LAIR1: variants seen among roughly 807,000 people sequenced by gnomAD.
The protein encoded by LAIR1 is leukocyte associated immunoglobulin like receptor 1, also known as leukocyte-associated immunoglobulin-like receptor 1.
Under a neutral mutation model 32.8 loss-of-function variants are expected in LAIR1, and 24 were observed. The observed-to-expected ratio is 0.73, with a 90% CI of 0.53 to 1.03. The LOEUF (loss-of-function observed/expected upper bound fraction) is 1.03, where lower values mean the gene tolerates loss of function less well. Among genes scored for constraint, LAIR1 ranks in the 50% least tolerant of loss-of-function variants. The probability of loss-of-function intolerance (pLI) is 0.00; values close to 1 mark genes in which losing one functional copy is unlikely to be tolerated. For synonymous variants in LAIR1, 150 were observed against 140.5 expected (o/e 1.07, Z -0.48); for missense variants, 355 against 347.5 (o/e 1.02, Z -0.17).
rs1340414781 is a variant in LAIR1, at chr19:54,364,883, A to G, written c.-79T>C. On this transcript the variant is annotated 5_prime_UTR_variant, in exon 1 of 10. Coordinates refer to ENST00000391742, the MANE Select transcript of LAIR1 (RefSeq NM_002287.6). The surrounding 1 kb of genome is among the most constrained non-coding windows in gnomAD (Gnocchi z 4.8). ...AACTCTGCAGCAGACACAAGCAGAC[A>G]GGATGTGCTGCCCGGGGGCCTCCTG... 1.2e-6 allele frequency: 2 copies of G among 1,613,090 alleles called. No homozygotes were observed. Among genetic ancestry groups the G allele is most frequent in the African/African-American group, 2.7e-5 (2 of 74,930 alleles).
chr19:54,359,134 G>A (rs1171629016), intron 4 of LAIR1, among the ~76,000 whole-genome samples: 4 of 149,690 alleles, frequency 2.7e-5, no homozygotes, highest in Non-Finnish European at 5.9e-5. Flanking sequence ...CTCCCCATGT[G>A]GCTTCAGCCC....
chr19:54,372,491 C>CTTTT (rs35628063), upstream of LAIR1, among the ~76,000 whole-genome samples: 10 of 131,520 alleles, frequency 7.6e-5, no homozygotes, highest in Non-Finnish European at 1.4e-4. Context: ...TTCTTTCTTT[C>CTTTT]TTTTTTTTTT....
upstream of LAIR1, among the ~76,000 whole-genome samples, chr19:54,374,662 C>T (rs553705705): frequency 6.6e-6 from 1 of 152,226 alleles, no homozygotes; most frequent in African/African-American, 2.4e-5. Context: ...TCATCTTCTC[C>T]ATCCCAACAG....
rs570840497 is a variant in LAIR1 at position 54,361,169 on chromosome 19, G to A, written c.111C>T (p.Thr37=). 71 of 1,614,168 alleles carry A rather than the reference G, an allele frequency of 4.4e-5. No homozygotes were observed. Among genetic ancestry groups the A allele is most frequent in the Admixed American group, 8.3e-5 (5 of 60,008 alleles). ...TCACATGGCTCCCCAGGGGGATCAC[G>A]GTGCCTGGCTCAGCCGAGATGGAGG... is the stretch of plus-strand genomic sequence containing the variant. ...PRPSISAEPG[T]VIPLGSHVTF... is the part of the protein sequence containing the mutation. The change falls in exon 3 of 10, where the codon ACC becomes ACT. Residue 37 remains threonine (T), a synonymous_variant. Transcript: ENST00000391742.
chr19:54,363,155 C>A (rs555312188), intron 2 of LAIR1, among the ~76,000 whole-genome samples: 1 of 148,872 alleles, frequency 6.7e-6, no homozygotes, highest in African/African-American at 2.4e-5. Flanking sequence ...AGGAAGGGAG[C>A]AGGCAGCAGT....
intron 3 of LAIR1, 142 bp downstream of exon 3, chr19:54,360,772 AGG>A (rs2081974893): frequency 5.7e-5 from 37 of 646,470 alleles, no homozygotes; most frequent in Admixed American, 1.1e-4. Context: ...GTGTGTGCAG[AGG>A]AAGAAGGGGA....
chr19:54,361,116 A>G lies in LAIR1; in HGVS notation c.164T>C (p.Val55Ala), dbSNP rs749536103. Reference sequence around the variant, plus strand: ...GTCCCTCTCCAGGCGGAATGTTTGAACCCCAACCGGGCCCCGGCACACGAA... The same window carrying G: ...GTCCCTCTCCAGGCGGAATGTTTGAGCCCCAACCGGGCCCCGGCACACGAA... The part of the protein sequence containing the change: ...VTFVCRGPVG[V>A]QTFRLERDSR... The change falls in exon 3 of 10, where the codon GTT becomes GCT. Residue 55 changes from valine to alanine, a missense_variant. By Grantham distance (64) the Val-to-Ala change is moderately conservative (BLOSUM62 0). Transcript: ENST00000391742. 1.2e-6 allele frequency: 2 copies of G among 1,613,870 alleles called. No homozygotes were observed. Among genetic ancestry groups the G allele is most frequent in the South Asian group, 1.1e-5 (1 of 91,060 alleles).
chr19:54,373,529 G>T (rs991058621), upstream of LAIR1, among the ~76,000 whole-genome samples: 2 of 152,288 alleles, frequency 1.3e-5, no homozygotes, highest in African/African-American at 4.8e-5. Flanking sequence ...TGAGATTCAG[G>T]AATGAACAAA....
chr19:54,362,447 T>G (rs1388816096), intron 2 of LAIR1, among the ~76,000 whole-genome samples: 2 of 152,208 alleles, frequency 1.3e-5, no homozygotes, highest in Non-Finnish European at 2.9e-5. Context: ...GGAGGTGGAC[T>G]TCCAGAAGGG....
rs528657787 is a variant in LAIR1, at chr19:54,362,755, G to A, written c.70+1540C>T. 4.6e-5 allele frequency among the ~76,000 whole-genome samples: 7 copies of A among 152,268 alleles called. No homozygotes were observed. The South Asian group carries it at 1.5e-3, about 32-fold the overall frequency. On this transcript the variant is annotated intron_variant, in intron 2 of 9. Coordinates refer to ENST00000391742, the MANE Select transcript of LAIR1 (RefSeq NM_002287.6). ...CCCACCTCCGCCTCCCAAAGTGCTGGGATTACAGATGTGAGCCACCGCACC... is the reference window on the plus strand; with the variant it reads ...CCCACCTCCGCCTCCCAAAGTGCTGAGATTACAGATGTGAGCCACCGCACC...
At chr19:54,365,065 AGTTACCAGAT>A, upstream of LAIR1, 1 of 1,378,588 alleles carries the variant, frequency 7.3e-7, no homozygotes, top group Admixed American at 3.4e-5. Flanking sequence ...ACCGTAAACT[AGTTACCAGAT>A]GTGTCAGCCT....
rs1555931892 is a variant in LAIR1 at position 54,353,163 on chromosome 19, A to AAAG, written c.*2104_*2105insCTT. 0.35 allele frequency: 24,604 copies of AAAG among 69,538 alleles called. 2,418 individuals carry two copies. The highest frequency in any genetic ancestry group is 0.49 in the Middle Eastern group (75 of 152). 4.3% of individuals were successfully genotyped at this position (69,538 alleles called of 1,614,324 possible). ...GCAACAAGAGCGAAACTCCATCTCA[A>AAAG]AAAAAAAAAAAAAGAGAGAGAGAGA... On this transcript the variant is annotated 3_prime_UTR_variant, in exon 10 of 10. Transcript: ENST00000391742.
At chr19:54,361,366 A>T (rs1365065121) in intron 2 of LAIR1, 157 bp from the exon 3 acceptor site, 2 of 759,026 alleles carry the variant, frequency 2.6e-6, no homozygotes, top group Non-Finnish European at 4.4e-6. Flanking sequence ...CGCCTCCTGC[A>T]CCTTCTACGT....
chr19:54,356,071 C>G, intron 8 of LAIR1, 65 bp from the exon 9 acceptor site: 1 of 1,362,520 alleles, frequency 7.3e-7, no homozygotes, highest in Middle Eastern at 2.1e-4. Context: ...TGCCTGAGAC[C>G]CCCACCCCCA....
At chr19:54,373,317 A>C (rs8111165), upstream of LAIR1, among the ~76,000 whole-genome samples, 51 of 150,346 alleles carry the variant, frequency 3.4e-4, 1 homozygote, top group Non-Finnish European at 5.5e-4. Flanking sequence ...GGTGGCGGGC[A>C]CCTGTAGTCC....
chr19:54,356,655 A>G (rs1286259524), intron 5 of LAIR1, 36 bp from the exon 6 acceptor site: 7 of 1,607,034 alleles, frequency 4.4e-6, no homozygotes, highest in Non-Finnish European at 5.1e-6. Flanking sequence ...AGCAGTGTGC[A>G]TTTATTGAGC....
At position 54,354,809 on chromosome 19, in the gene LAIR1, G is replaced by C. The variant is rs1390639253; in HGVS notation, c.*459C>G. ...ACTTCTAGGAAGGTCTTTAGGGTCA[G>C]CAGGGCAGATAATTACAGCAAAGTC... On this transcript the variant is annotated 3_prime_UTR_variant, in exon 10 of 10. Coordinates refer to ENST00000391742, the MANE Select transcript of LAIR1 (RefSeq NM_002287.6). The C allele has an allele frequency of 6.4e-6, 1 of 156,322 alleles. No individual in the cohort carries two copies. The highest frequency in any genetic ancestry group is 1.4e-5 in the Non-Finnish European group (1 of 70,990). 9.7% of individuals were successfully genotyped at this position (156,322 alleles called of 1,614,324 possible).
chr19:54,367,707 T>C (rs571412807), upstream of LAIR1, among the ~76,000 whole-genome samples: 15 of 151,172 alleles, frequency 9.9e-5, no homozygotes, highest in Admixed American at 5.9e-4. Flanking sequence ...GATCGTGCCA[T>C]TGCACTCCAG....
chr19:54,373,367 C>G (rs1280870570), upstream of LAIR1, among the ~76,000 whole-genome samples: 1 of 152,040 alleles, frequency 6.6e-6, no homozygotes, highest in African/African-American at 2.4e-5. Context: ...TGGCATGAAC[C>G]CGGGAGGCGG....
Sources: gnomAD v4.1 joint callset for allele counts (sites outside exome capture counted in the v4.1 genomes callset) on GRCh38, gnomAD v4.1.1 for gene constraint, Gnocchi (gnomAD v3.1) non-coding constraint, MANE v1.5 for transcripts, NCBI Gene and HGNC (gene_info 2026-07-23, HGNC 2026-07-21) for gene names.